CDK5: variants seen among roughly 807,000 people sequenced by gnomAD.
The protein encoded by CDK5 is cyclin dependent kinase 5.
CDK5 carries 18 observed loss-of-function variants against 44.6 expected under a neutral mutation model. The ratio of observed to expected loss-of-function variants is 0.40; its 90% CI spans 0.28 to 0.60. CDK5 has a LOEUF of 0.60. Ranked by LOEUF, CDK5 falls within the 20% of genes least tolerant of loss-of-function variation. CDK5 has a pLI of 0.38. For missense variants in CDK5, 198 were observed against 368.1 expected (o/e 0.54, Z 3.78); for synonymous variants, 143 against 152.8 (o/e 0.94, Z 0.47).
In CDK5 at chr7:151,057,759, T is replaced by C. The variant is rs1013824690; in HGVS notation, c.37+53A>G. The C allele has an allele frequency of 5.7e-6, 9 of 1,577,566 alleles. No individual in the cohort carries two copies. In the South Asian group the frequency reaches 5.7e-5, roughly 10 times the overall value. On this transcript the variant is annotated intron_variant, in intron 1 of 11. Coordinates refer to ENST00000485972, the MANE Select transcript of CDK5 (RefSeq NM_004935.4). The surrounding 1 kb of genome is among the most constrained non-coding windows in gnomAD (Gnocchi z 5.2). ...GTAAGGGAGCCAGGGCTTCAAGGAA[T>C]GCCGAAGGATCTGCAGAGGAGCTCT...
chr7:151,056,503 T>TA lies in CDK5; in HGVS notation c.312+76dup. The stretch of plus-strand genomic sequence containing the variant: ...AGTGTCCCTGTTCAGGGCCCAAACT[T>TA]AGAGCCCAAGGGGTGCTTACACCGA... On this transcript the variant is annotated intron_variant, in intron 5 of 11. Transcript: ENST00000485972. The surrounding 1 kb of genome is among the most constrained non-coding windows in gnomAD (Gnocchi z 4.7). 7.4e-7 allele frequency: 1 copy of TA among 1,354,928 alleles called. No homozygotes were observed. The highest frequency in any genetic ancestry group is 1.0e-6 in the Non-Finnish European group (1 of 958,654). 83.9% of individuals were successfully genotyped at this position (1,354,928 alleles called of 1,614,324 possible). A position where few individuals can be genotyped will look rare whatever the true frequency, so the allele number is the denominator to read the frequency against.
rs1160135216 is a variant in CDK5 at position 151,054,036 on chromosome 7, G to A, written c.852C>T (p.Pro284=). The change falls in exon 12 of 12, where the codon CCC becomes CCT. Residue 284 remains proline (P), a synonymous_variant. Transcript: ENST00000485972. This position sits in a 1 kb window ranked among gnomAD's most constrained non-coding sequence, Gnocchi z 5.7. The stretch of plus-strand genomic sequence containing the variant: ...AGGGCGGACAGAAGTCGGAGAAGTA[G>A]GGGTGCTGCAGGGCCTCTTCTGCTG... ...RISAEEALQH[P]YFSDFCPP The A allele has an allele frequency of 6.3e-7, 1 of 1,599,598 alleles. No individual in the cohort carries two copies. Among genetic ancestry groups the A allele is most frequent in the South Asian group, 1.1e-5 (1 of 88,512 alleles).
In CDK5 at chr7:151,055,122, T is replaced by C. The variant is rs143158445; in HGVS notation, c.581-26A>G. 1.4e-5 allele frequency: 22 copies of C among 1,602,814 alleles called. No homozygotes were observed. The African/African-American group carries it at 2.8e-4, about 20-fold the overall frequency. On this transcript the variant is annotated intron_variant, in intron 8 of 11. Coordinates refer to ENST00000485972, the MANE Select transcript of CDK5 (RefSeq NM_004935.4). ...CTGGGGGATAGACAGGGGGCTAAGA[T>C]GTGACATGTGAAGGACCCCTCACTC...
Position 151,057,615 on chromosome 7 carries a change from G to T in CDK5, c.37+197C>A. On this transcript the variant is annotated intron_variant, in intron 1 of 11. Transcript: ENST00000485972. The surrounding 1 kb of genome is among the most constrained non-coding windows in gnomAD (Gnocchi z 5.2). ...GGGTCTACTGGGAACGCTAAGGTTG[G>T]AGTGAGAGCCCTGCGGGAAATGCTA... The T allele has an allele frequency of 1.4e-6, 1 of 691,592 alleles. No homozygotes were observed. Among genetic ancestry groups the T allele is most frequent in the Non-Finnish European group, 2.6e-6 (1 of 389,242 alleles). The allele number at this position is 691,592 out of a possible 1,614,324, so 42.8% of individuals were successfully genotyped here. A position where few individuals can be genotyped will look rare whatever the true frequency, so the allele number is the denominator to read the frequency against.
Position 151,056,473 on chromosome 7 carries a change from C to T in CDK5, c.312+107G>A. 2 of 945,834 alleles carry T rather than the reference C, an allele frequency of 2.1e-6. No homozygotes were observed. The highest frequency in any genetic ancestry group is 1.4e-5 in the South Asian group (1 of 72,276). The allele number at this position is 945,834 out of a possible 1,614,324, so 58.6% of individuals were successfully genotyped here. A position where few individuals can be genotyped will look rare whatever the true frequency, so the allele number is the denominator to read the frequency against. ...ACAGGGTTTTCTCATTCTCTAACAC[C>T]CTAGAGTGTCCCTGTTCAGGGCCCA... On this transcript the variant is annotated intron_variant, in intron 5 of 11. Coordinates refer to ENST00000485972, the MANE Select transcript of CDK5 (RefSeq NM_004935.4). This position sits in a 1 kb window ranked among gnomAD's most constrained non-coding sequence, Gnocchi z 4.7.
rs1796852671 is a variant in CDK5 at position 151,054,341 on chromosome 7, GA to G, written c.712-50del. Reference sequence around the variant, plus strand: ...GACTAGAGGTAGGGGGAGGGGGATGGAGGCGCTAGGAATGTGAAACGAGTGA... The same window carrying G: ...GACTAGAGGTAGGGGGAGGGGGATGGGGCGCTAGGAATGTGAAACGAGTGA... On this transcript the variant is annotated intron_variant, in intron 10 of 11. Coordinates refer to ENST00000485972, the MANE Select transcript of CDK5 (RefSeq NM_004935.4). The surrounding 1 kb of genome is among the most constrained non-coding windows in gnomAD (Gnocchi z 5.7). The G allele has an allele frequency of 1.9e-6, 3 of 1,611,746 alleles. No individual in the cohort carries two copies. The African/African-American group carries it at 4.0e-5, about 22-fold the overall frequency.
rs1258326338 is a variant in CDK5, at chr7:151,057,878, C to T, written c.-30G>A. On this transcript the variant is annotated 5_prime_UTR_variant, in exon 1 of 12. Transcript: ENST00000485972. The surrounding 1 kb of genome is among the most constrained non-coding windows in gnomAD (Gnocchi z 5.2). ...GCGGCCGCGGGGACCCCTGCGGGCC[C>T]TCGGTTTTAAGACTCTGGCCCCGGC... 1 of 1,596,792 alleles carries T rather than the reference C, an allele frequency of 6.3e-7. No individual in the cohort carries two copies. The highest frequency in any genetic ancestry group is 1.1e-5 in the South Asian group (1 of 88,694).
Position 151,054,350 on chromosome 7 carries a change from G to C in CDK5, c.711+55C>G. ...TAGGGGGAGGGGGATGGAGGCGCTA[G>C]GAATGTGAAACGAGTGACCCTGATG... On this transcript the variant is annotated intron_variant, in intron 10 of 11. Transcript: ENST00000485972. This position sits in a 1 kb window ranked among gnomAD's most constrained non-coding sequence, Gnocchi z 5.7. 2 of 1,611,992 alleles carry C rather than the reference G, an allele frequency of 1.2e-6. No individual in the cohort carries two copies.
Position 151,057,894 on chromosome 7 carries a change from T to TG in CDK5, c.-47dup, listed in dbSNP as rs1254120939. The TG allele has an allele frequency of 1.9e-6, 3 of 1,572,562 alleles. No homozygotes were observed. Among genetic ancestry groups the TG allele is most frequent in the African/African-American group, 2.7e-5 (2 of 73,828 alleles). Reference sequence around the variant, plus strand: ...CTGCGGGCCCTCGGTTTTAAGACTCTGGCCCCGGCGTTGCAGAGGAGGCGG... The same window carrying TG: ...CTGCGGGCCCTCGGTTTTAAGACTCTGGGCCCCGGCGTTGCAGAGGAGGCGG... On this transcript the variant is annotated 5_prime_UTR_variant, in exon 1 of 12. Transcript: ENST00000485972. The surrounding 1 kb of genome is among the most constrained non-coding windows in gnomAD (Gnocchi z 5.2).
rs1397513907 is a variant in CDK5, at chr7:151,056,807, A to G, written c.195-11T>C. ...AGGACGTCATGAAGCCTAGGGCAAA[A>G]GAAGGGCTCAGCCAGGCAGGTCCGC... On this transcript the variant is annotated splice_polypyrimidine_tract_variant and intron_variant, in intron 3 of 11. Transcript: ENST00000485972. This position sits in a 1 kb window ranked among gnomAD's most constrained non-coding sequence, Gnocchi z 4.7. The G allele has an allele frequency of 4.4e-6, 7 of 1,608,582 alleles. No homozygotes were observed. The highest frequency in any genetic ancestry group is 2.2e-5 in the East Asian group (1 of 44,676).
rs2069459 is a variant in CDK5 at position 151,054,503 on chromosome 7, C to A, written c.651-38G>T. 0.37 allele frequency: 582,318 copies of A among 1,584,148 alleles called. 108,437 individuals are homozygous for A. Among genetic ancestry groups the A allele is most frequent in the African/African-American group, 0.42 (31,309 of 74,368 alleles). ...TCAAGGATCACTTGGGAAAGGGCCACAGCTGCATCTTCAGGGGCAGGGTGA... is the reference window on the plus strand; with the variant it reads ...TCAAGGATCACTTGGGAAAGGGCCAAAGCTGCATCTTCAGGGGCAGGGTGA... On this transcript the variant is annotated intron_variant, in intron 9 of 11. Coordinates refer to ENST00000485972, the MANE Select transcript of CDK5 (RefSeq NM_004935.4). The surrounding 1 kb of genome is among the most constrained non-coding windows in gnomAD (Gnocchi z 5.7).
chr7:151,055,168 C>A, intron 8 of CDK5, 72 bp from the exon 9 acceptor site: 1 of 1,569,554 alleles, frequency 6.4e-7, no homozygotes, highest in South Asian at 1.2e-5. Flanking sequence ...CCTGACCTTC[C>A]AGCTCCAGTC....
At chr7:151,055,240 G>A (rs745307324) in intron 8 of CDK5, 37 bp downstream of exon 8, 13 of 1,590,796 alleles carry the variant, frequency 8.2e-6, no homozygotes, top group East Asian at 6.7e-5. Context: ...AACTCAAATG[G>A]GAAAGAAGGT....
In CDK5 at chr7:151,054,397, C is replaced by A. The variant is rs566658552; in HGVS notation, c.711+8G>T. On this transcript the variant is annotated splice_region_variant and intron_variant, in intron 10 of 11. Coordinates refer to ENST00000485972, the MANE Select transcript of CDK5 (RefSeq NM_004935.4). The surrounding 1 kb of genome is among the most constrained non-coding windows in gnomAD (Gnocchi z 5.7). ...GATGAACCATGACCCCCACATTCCC[C>A]ATCACACCTTATAGTCTGGCAGCTT... The A allele has an allele frequency of 2.7e-4, 431 of 1,613,374 alleles. 7 individuals carry two copies. In the South Asian group the frequency reaches 4.1e-3, roughly 15 times the overall value.
At position 151,055,617 on chromosome 7, in the gene CDK5, TG is replaced by T; in HGVS notation, c.409-12del. On this transcript the variant is annotated splice_polypyrimidine_tract_variant and intron_variant, in intron 6 of 11. Transcript: ENST00000485972. ...TTTCAGCTCCCCATTCTGAAGGGAA[TG>T]GGAAGGGGACATGGAGAAGGGCCTT... The T allele has an allele frequency of 6.2e-7, 1 of 1,612,882 alleles. No homozygotes were observed. Among genetic ancestry groups the T allele is most frequent in the South Asian group, 1.1e-5 (1 of 91,028 alleles).
chr7:151,053,948 C>A lies in CDK5; in HGVS notation c.*61G>T. 1 of 1,439,240 alleles carries A rather than the reference C, an allele frequency of 6.9e-7. No homozygotes were observed. Among genetic ancestry groups the A allele is most frequent in the South Asian group, 1.2e-5 (1 of 80,690 alleles). 89.2% of individuals were successfully genotyped at this position (1,439,240 alleles called of 1,614,324 possible). On this transcript the variant is annotated 3_prime_UTR_variant, in exon 12 of 12. Transcript: ENST00000485972. ...GCACCAGGCACCCCCACTGTCTCAC[C>A]CCTCTCAAGAGGGGGCTTAAATAGG... is the stretch of plus-strand genomic sequence containing the variant.
rs763777369 is a variant in CDK5, at chr7:151,054,251, G to C, written c.753C>G (p.Val251=). The part of the protein sequence containing the change: ...MYPATTSLVN[V]VPKLNATGRD... The stretch of plus-strand genomic sequence containing the variant: ...TCCCTGTGGCATTGAGTTTGGGCAC[G>C]ACGTTCACCAGGGATGTTGTGGCCG... Residue 251 remains valine (V), a synonymous_variant, in exon 11 of 12, where the codon GTC becomes GTG. Transcript: ENST00000485972. The surrounding 1 kb of genome is among the most constrained non-coding windows in gnomAD (Gnocchi z 5.7). 1.9e-6 allele frequency: 3 copies of C among 1,613,618 alleles called. No individual in the cohort carries two copies. Among genetic ancestry groups the C allele is most frequent in the Non-Finnish European group, 1.7e-6 (2 of 1,179,724 alleles).
At chr7:151,055,934 G>T in intron 5 of CDK5, 86 bp from the exon 6 acceptor site, 1 of 848,798 alleles carries the variant, frequency 1.2e-6, no homozygotes, top group Non-Finnish European at 2.0e-6. Flanking sequence ...CTCACCCTGT[G>T]CTTCGCTCCA....
Position 151,057,204 on chromosome 7 carries a change from T to C in CDK5, c.38-44A>G, listed in dbSNP as rs1199634596. The C allele has an allele frequency of 2.8e-6, 4 of 1,444,450 alleles. No homozygotes were observed. The highest frequency in any genetic ancestry group is 3.9e-6 in the Non-Finnish European group (4 of 1,025,480). The allele number at this position is 1,444,450 out of a possible 1,614,324, so 89.5% of individuals were successfully genotyped here. On this transcript the variant is annotated intron_variant, in intron 1 of 11. Coordinates refer to ENST00000485972, the MANE Select transcript of CDK5 (RefSeq NM_004935.4). The surrounding 1 kb of genome is among the most constrained non-coding windows in gnomAD (Gnocchi z 5.2). ...GGGTCAGGGTGAGGATGCGGCACTCTTCCCTAAGCCAGGAAATGCCTCCTG... is the reference window on the plus strand; with the variant it reads ...GGGTCAGGGTGAGGATGCGGCACTCCTCCCTAAGCCAGGAAATGCCTCCTG...
Sources: gnomAD v4.1 joint callset for allele counts on GRCh38, gnomAD v4.1.1 for gene constraint, Gnocchi (gnomAD v3.1) non-coding constraint, MANE v1.5 for transcripts, NCBI Gene and HGNC (gene_info 2026-07-23, HGNC 2026-07-21) for gene names.